PARD3B: variants seen among roughly 807,000 people sequenced by gnomAD.
PARD3B encodes the protein par-3 family cell polarity regulator beta, also known as partitioning defective 3 homolog B.
A neutral mutation model predicts 130.2 loss-of-function variants in PARD3B; 103 were observed. The observed-to-expected ratio is 0.79, with a 90% CI of 0.67 to 0.93. The LOEUF (loss-of-function observed/expected upper bound fraction) is 0.93. PARD3B is among the 40% of genes least tolerant of loss of function. The pLI is 0.00. For missense variants in PARD3B, 1,609 were observed against 1,499.2 expected, an observed-to-expected ratio of 1.07 and a Z score of -1.21; for synonymous variants, 583 against 553.2, an observed-to-expected ratio of 1.05 and a Z score of -0.76.
At chr2:205,355,443 T>C (rs539745452) in intron 18 of PARD3B, among the ~76,000 whole-genome samples, 7 of 152,348 alleles carry the variant, frequency 4.6e-5, no homozygotes, top group African/African-American at 1.7e-4. Flanking sequence ...TTATTATTTT[T>C]CATATCTTTA....
rs2041655413 is a variant in PARD3B at position 205,292,774 on chromosome 2, A to C, written c.2186-7756A>C. 6.6e-6 allele frequency among the ~76,000 whole-genome samples: 1 copy of C among 152,148 alleles called. No individual in the cohort carries two copies. Among genetic ancestry groups the C allele is most frequent in the African/African-American group, 2.4e-5 (1 of 41,442 alleles). On this transcript the variant is annotated intron_variant, in intron 16 of 22. Coordinates refer to ENST00000406610, the MANE Select transcript of PARD3B (RefSeq NM_001302769.2). This position sits in a 1 kb window ranked among gnomAD's most constrained non-coding sequence, Gnocchi z 5.3. ...GATCAATTGTGTGTGATTAGACTTC[A>C]CTTTGTACAGGAAAAAAATTTAGTG...
intron 16 of PARD3B, among the ~76,000 whole-genome samples, chr2:205,295,527 A>G (rs1200817833): frequency 6.6e-6 from 1 of 152,176 alleles, no homozygotes. Flanking sequence ...ATTTATTGTT[A>G]ATTTATCATA....
At chr2:205,544,375 T>C (rs2052295349) in intron 21 of PARD3B, among the ~76,000 whole-genome samples, 1 of 152,174 alleles carries the variant, frequency 6.6e-6, no homozygotes, top group Admixed American at 6.5e-5. Flanking sequence ...GAATGATGTC[T>C]GGCTCTTTAA....
intron 5 of PARD3B, among the ~76,000 whole-genome samples, chr2:205,104,978 A>G (rs1171978485): frequency 2.0e-5 from 3 of 152,162 alleles, no homozygotes; most frequent in East Asian, 3.9e-4. Context: ...CTGTCTATCA[A>G]CCAGGGTTTT....
chr2:204,941,188 A>G (rs956664739), intron 2 of PARD3B, among the ~76,000 whole-genome samples: 4 of 152,218 alleles, frequency 2.6e-5, no homozygotes, highest in Non-Finnish European at 5.9e-5. Context: ...AGTCTGTCCA[A>G]CATGGCCAAA....
chr2:205,166,394 G>C (rs185192791), intron 11 of PARD3B, among the ~76,000 whole-genome samples: 275 of 152,242 alleles, frequency 1.8e-3, no homozygotes, highest in African/African-American at 6.3e-3. Context: ...GTAGAAGAAA[G>C]AATATGGGCA....
chr2:204,862,095 A>G (rs1334457193), intron 2 of PARD3B, among the ~76,000 whole-genome samples: 1 of 152,172 alleles, frequency 6.6e-6, no homozygotes, highest in Non-Finnish European at 1.5e-5. Flanking sequence ...ACCAATTTTC[A>G]TAAGTGGAAA....
At chr2:205,126,186 C>A (rs1190937923) in intron 10 of PARD3B, among the ~76,000 whole-genome samples, 1 of 152,074 alleles carries the variant, frequency 6.6e-6, no homozygotes, top group Non-Finnish European at 1.5e-5. Flanking sequence ...TAACATAGAA[C>A]AAGGGTATTT....
rs1286776108 is a variant in PARD3B at position 205,312,681 on chromosome 2, T to A, written c.2630+10980T>A. On this transcript the variant is annotated intron_variant, in intron 18 of 22. Coordinates refer to ENST00000406610, the MANE Select transcript of PARD3B (RefSeq NM_001302769.2). ...TCTCTCTTCAGCCCATCTTAAATTA[T>A]TTACTTTCTCTTTCACAATGTGAGC... Among the ~76,000 whole-genome samples the A allele has an allele frequency of 4.6e-5, 7 of 152,228 alleles. 1 individual carries two copies. Among genetic ancestry groups the A allele is most frequent in the Non-Finnish European group, 1.0e-4 (7 of 68,026 alleles).
In PARD3B at chr2:205,124,486, G is replaced by C; in HGVS notation, c.1305+20G>C. The C allele has an allele frequency of 6.5e-7, 1 of 1,536,136 alleles. No homozygotes were observed. Among genetic ancestry groups the C allele is most frequent in the South Asian group, 1.4e-5 (1 of 73,996 alleles). On this transcript the variant is annotated intron_variant, in intron 9 of 22. Coordinates refer to ENST00000406610, the MANE Select transcript of PARD3B (RefSeq NM_001302769.2). Reference sequence around the variant, plus strand: ...TTGGAGGTAAGAATTGGAATTAATAGTTGTATGAAAATATTTCTTGGCATT... The same window carrying C: ...TTGGAGGTAAGAATTGGAATTAATACTTGTATGAAAATATTTCTTGGCATT...
At chr2:205,087,938 T>A (rs1701843199) in intron 4 of PARD3B, among the ~76,000 whole-genome samples, 1 of 152,180 alleles carries the variant, frequency 6.6e-6, no homozygotes, top group African/African-American at 2.4e-5. Context: ...TTAAAGTGCA[T>A]CTTCTAATGT....
At chr2:205,533,664 A>G (rs1167304401) in intron 21 of PARD3B, among the ~76,000 whole-genome samples, 3 of 152,202 alleles carry the variant, frequency 2.0e-5, no homozygotes, top group Non-Finnish European at 4.4e-5. Context: ...TCAAATTTAT[A>G]AAAATAAATA....
In PARD3B at chr2:205,321,586, T is replaced by C. The variant is rs1352421363; in HGVS notation, c.2630+19885T>C. Among the ~76,000 whole-genome samples the C allele has an allele frequency of 2.6e-5, 4 of 152,184 alleles. No homozygotes were observed. The highest frequency in any genetic ancestry group is 4.4e-5 in the Non-Finnish European group (3 of 68,038). On this transcript the variant is annotated intron_variant, in intron 18 of 22. Coordinates refer to ENST00000406610, the MANE Select transcript of PARD3B (RefSeq NM_001302769.2). This position sits in a 1 kb window ranked among gnomAD's most constrained non-coding sequence, Gnocchi z 4.2. The stretch of plus-strand genomic sequence containing the variant: ...CAGTGGTTGCAAACTTGATGTCTTT[T>C]TATCCTTAAGTGTACTTTGAAGCTA...
chr2:205,360,103 G>A (rs2044334682), intron 18 of PARD3B, among the ~76,000 whole-genome samples: 1 of 152,128 alleles, frequency 6.6e-6, no homozygotes, highest in Non-Finnish European at 1.5e-5. Flanking sequence ...TCATTTGAAT[G>A]CATATCAAGT....
At chr2:204,892,374 G>T (rs2046479618) in intron 2 of PARD3B, among the ~76,000 whole-genome samples, 1 of 152,074 alleles carries the variant, frequency 6.6e-6, no homozygotes, top group Non-Finnish European at 1.5e-5. Context: ...AGTGAATTGG[G>T]CACTCATTAG....
intron 1 of PARD3B, among the ~76,000 whole-genome samples, chr2:204,588,117 C>T (rs529054638): frequency 6.6e-6 from 1 of 152,200 alleles, no homozygotes; most frequent in South Asian, 2.1e-4. Flanking sequence ...ATGAATACAC[C>T]ATAACAAGTC....
At chr2:204,941,928 A>G (rs1228706279) in intron 2 of PARD3B, among the ~76,000 whole-genome samples, 1 of 152,224 alleles carries the variant, frequency 6.6e-6, no homozygotes, top group Non-Finnish European at 1.5e-5. Context: ...AAGGGAGAAC[A>G]GAACTTGAAC....
At chr2:204,653,723 G>A (rs150788189) in intron 1 of PARD3B, among the ~76,000 whole-genome samples, 2,835 of 149,226 alleles carry the variant, frequency 0.019, 72 homozygotes, top group Middle Eastern at 0.071. Flanking sequence ...CCCAGGAGGC[G>A]GAGGTTGCAG....
intron 18 of PARD3B, among the ~76,000 whole-genome samples, chr2:205,323,349 CCTT>C (rs1351295482): frequency 6.6e-6 from 1 of 152,154 alleles, no homozygotes; most frequent in Non-Finnish European, 1.5e-5. Flanking sequence ...AGAAAACAAA[CCTT>C]ATGTTTCCAT....
Sources: gnomAD v4.1 joint callset for allele counts (sites outside exome capture counted in the v4.1 genomes callset) on GRCh38, gnomAD v4.1.1 for gene constraint, Gnocchi (gnomAD v3.1) non-coding constraint, MANE v1.5 for transcripts, NCBI Gene and HGNC (gene_info 2026-07-23, HGNC 2026-07-21) for gene names.